PCDHGA6: variants seen among roughly 807,000 people sequenced by gnomAD.
PCDHGA6 encodes the protein protocadherin gamma subfamily A, 6.
In PCDHGA6, 41 loss-of-function variants were observed where a neutral mutation model predicts 60.6. The observed-to-expected ratio is 0.68, with a 90% CI of 0.53 to 0.88. PCDHGA6 has a LOEUF of 0.88. Among genes scored for constraint, PCDHGA6 ranks in the 40% least tolerant of loss-of-function variants. PCDHGA6 has a pLI of 0.00. For missense variants in PCDHGA6, 1,312 were observed against 1,203.0 expected (o/e 1.09, Z -1.34); for synonymous variants, 594 against 524.4 (o/e 1.13, Z -1.81).
rs1477077191 is a variant in PCDHGA6, at chr5:141,427,802, C to T, written c.2424+51295C>T. 7.3e-6 allele frequency: 11 copies of T among 1,510,148 alleles called. No individual in the cohort carries two copies. In the South Asian group the frequency reaches 9.0e-5, roughly 12 times the overall value. The allele number at this position is 1,510,148 out of a possible 1,614,324, so 93.5% of individuals were successfully genotyped here. A position where few individuals can be genotyped will look rare whatever the true frequency, so the allele number is the denominator to read the frequency against. On this transcript the variant is annotated intron_variant, in intron 1 of 3. Transcript: ENST00000517434. ...CACTGTCGTCCTACGTGTCCGTGAG[C>T]GCACAGAGCGGGGTGGTGGTCGCGC... is the stretch of plus-strand genomic sequence containing the variant.
intron 1 of PCDHGA6, among the ~76,000 whole-genome samples, chr5:141,420,877 G>T (rs566962587): frequency 3.9e-5 from 6 of 152,338 alleles, no homozygotes; most frequent in African/African-American, 1.4e-4. Context: ...TGTAAGTATT[G>T]TGTATCATCG....
intron 1 of PCDHGA6, chr5:141,409,633 TG>T: frequency 6.2e-7 from 1 of 1,613,852 alleles, no homozygotes; most frequent in Non-Finnish European, 8.5e-7. Context: ...TGAGCGCCTC[TG>T]ACCCGGATTT....
Position 141,432,036 on chromosome 5 carries a change from AC to A in PCDHGA6, c.2424+55531del, listed in dbSNP as rs1419691535. The A allele has an allele frequency of 6.2e-7, 1 of 1,614,218 alleles. No individual in the cohort carries two copies. The highest frequency in any genetic ancestry group is 1.3e-5 in the African/African-American group (1 of 75,048). On this transcript the variant is annotated intron_variant, in intron 1 of 3. Coordinates refer to ENST00000517434, the MANE Select transcript of PCDHGA6 (RefSeq NM_018919.3). This position sits in a 1 kb window ranked among gnomAD's most constrained non-coding sequence, Gnocchi z 6.0. ...TACAACATCACAGTGACCGCCACTG[AC>A]CGGGGAACCCCGCCCCTATCCACGG...
intron 1 of PCDHGA6, among the ~76,000 whole-genome samples, chr5:141,401,626 C>T (rs1476531463): frequency 6.6e-6 from 1 of 152,174 alleles, no homozygotes; most frequent in Non-Finnish European, 1.5e-5. Flanking sequence ...TTTGTCTTAT[C>T]GTTTGGAGCT....
chr5:141,381,909 A>AACCTCC (rs1182707286), intron 1 of PCDHGA6, among the ~76,000 whole-genome samples: 1 of 130,036 alleles, frequency 7.7e-6, no homozygotes, highest in East Asian at 2.2e-4. Context: ...GGCTCACCAC[A>AACCTCC]ACCTCCACCT....
chr5:141,385,615 T>C, intron 1 of PCDHGA6: 2 of 1,097,512 alleles, frequency 1.8e-6, no homozygotes, highest in East Asian at 4.2e-5. Flanking sequence ...ATATATTTTA[T>C]ACATTGGAAT....
At chr5:141,384,646 G>A (rs1780315410) in intron 1 of PCDHGA6, 2 of 1,614,230 alleles carry the variant, frequency 1.2e-6, no homozygotes, top group Non-Finnish European at 1.7e-6. Flanking sequence ...CCGCTCCGCA[G>A]AGCCCGGCTA....
chr5:141,423,897 T>G, intron 1 of PCDHGA6: 7 of 1,278,866 alleles, frequency 5.5e-6, no homozygotes, highest in Non-Finnish European at 6.9e-6. Flanking sequence ...TTTCTTTTGA[T>G]TTCAAAGGGG....
At chr5:141,415,881 T>C (rs1589997447) in intron 1 of PCDHGA6, 1 of 1,003,346 alleles carries the variant, frequency 1.0e-6, no homozygotes, top group Non-Finnish European at 1.3e-6. Context: ...GAGTACAATA[T>C]TGACAATTCC....
chr5:141,500,433 T>C (rs1398344932), intron 2 of PCDHGA6, among the ~76,000 whole-genome samples: 1 of 151,764 alleles, frequency 6.6e-6, no homozygotes, highest in East Asian at 1.9e-4. Context: ...ATGGTCTCGA[T>C]CTCCTGACCT....
At chr5:141,415,638 T>G in intron 1 of PCDHGA6, 1 of 1,598,954 alleles carries the variant, frequency 6.3e-7, no homozygotes, top group Non-Finnish European at 8.5e-7. Flanking sequence ...TTTTTACTTT[T>G]GTTAAAAAAA....
In PCDHGA6 at chr5:141,432,293, G is replaced by C. The variant is rs765631138; in HGVS notation, c.2424+55786G>C. Reference sequence around the variant, plus strand: ...CTACGTGTCCATCAACTCCGACACTGGGGTACTGTATGCGCTGAGCTCCTT... The same window carrying C: ...CTACGTGTCCATCAACTCCGACACTCGGGTACTGTATGCGCTGAGCTCCTT... On this transcript the variant is annotated intron_variant, in intron 1 of 3. Coordinates refer to ENST00000517434, the MANE Select transcript of PCDHGA6 (RefSeq NM_018919.3). This position sits in a 1 kb window ranked among gnomAD's most constrained non-coding sequence, Gnocchi z 6.0. 6.2e-7 allele frequency: 1 copy of C among 1,614,254 alleles called. No individual in the cohort carries two copies.
intron 1 of PCDHGA6, among the ~76,000 whole-genome samples, chr5:141,447,463 C>T (rs1004772636): frequency 6.6e-6 from 1 of 152,142 alleles, no homozygotes; most frequent in African/African-American, 2.4e-5. Context: ...AGTTTTTCTT[C>T]ACCATCTGTA....
At position 141,432,156 on chromosome 5, in the gene PCDHGA6, C is replaced by A; in HGVS notation, c.2424+55649C>A. On this transcript the variant is annotated intron_variant, in intron 1 of 3. Transcript: ENST00000517434. This position sits in a 1 kb window ranked among gnomAD's most constrained non-coding sequence, Gnocchi z 6.0. Reference sequence around the variant, plus strand: ...TCCGCTTATATCCCAGAGAACAATCCCAGAGGAGTTTCCCTCGTCTCTGTG... The same window carrying A: ...TCCGCTTATATCCCAGAGAACAATCACAGAGGAGTTTCCCTCGTCTCTGTG... The A allele has an allele frequency of 6.2e-7, 1 of 1,614,142 alleles. No homozygotes were observed. Among genetic ancestry groups the A allele is most frequent in the East Asian group, 2.2e-5 (1 of 44,874 alleles).
rs766779419 is a variant in PCDHGA6, at chr5:141,389,386, C to G, written c.2424+12879C>G. On this transcript the variant is annotated intron_variant, in intron 1 of 3. Transcript: ENST00000517434. ...GACCTGGAGCAGCGGGAGCTGTCAT[C>G]CTACGTGTCCATAAGCGCGGAGAGC... The G allele has an allele frequency of 1.1e-5, 17 of 1,613,620 alleles. No homozygotes were observed. The highest frequency in any genetic ancestry group is 6.7e-5 in the African/African-American group (5 of 74,960).
At chr5:141,394,260 G>C in intron 1 of PCDHGA6, 1 of 1,613,920 alleles carries the variant, frequency 6.2e-7, no homozygotes, top group Non-Finnish European at 8.5e-7. Flanking sequence ...CGACAGCCAG[G>C]AGAATGCCCA....
At chr5:141,395,545 TGTGTGTGTGTGTG>T (rs1440813594) in intron 1 of PCDHGA6, 2 of 174,840 alleles carry the variant, frequency 1.1e-5, no homozygotes, top group Admixed American at 1.3e-4. Flanking sequence ...CTATTGTTTG[TGTGTGTGTGTGTG>T]TGTGTGTGTG....
At position 141,486,092 on chromosome 5, in the gene PCDHGA6, C is replaced by T. The variant is rs2099624294; in HGVS notation, c.2425-8715C>T. The T allele has an allele frequency of 3.7e-6, 6 of 1,614,148 alleles. No homozygotes were observed. In the East Asian group the frequency reaches 1.3e-4, roughly 36 times the overall value. On this transcript the variant is annotated intron_variant, in intron 1 of 3. Coordinates refer to ENST00000517434, the MANE Select transcript of PCDHGA6 (RefSeq NM_018919.3). This position sits in a 1 kb window ranked among gnomAD's most constrained non-coding sequence, Gnocchi z 5.0. Reference sequence around the variant, plus strand: ...TACTGGAAAGCTTACTCTTTTGGGGCCCCTAGACTTTGAGAGTGAGAATTA... The same window carrying T: ...TACTGGAAAGCTTACTCTTTTGGGGTCCCTAGACTTTGAGAGTGAGAATTA...
Position 141,375,430 on chromosome 5 carries a change from G to C in PCDHGA6, c.1347G>C (p.Pro449=). 1 of 1,613,848 alleles carries C rather than the reference G, an allele frequency of 6.2e-7. No individual in the cohort carries two copies. Among genetic ancestry groups the C allele is most frequent in the Non-Finnish European group, 8.5e-7 (1 of 1,180,018 alleles). Reference sequence around the variant, plus strand: ...ATGTGGCAGACACCAACGACAACCCGCCCACCTTCCCCCATTCATCCTACT... The same window carrying C: ...ATGTGGCAGACACCAACGACAACCCCCCCACCTTCCCCCATTCATCCTACT... ...SLNVADTNDN[P]PTFPHSSYSV... is the part of the protein sequence containing the mutation. Residue 449 remains proline (P), a synonymous_variant, in exon 1 of 4, where the codon CCG becomes CCC. Coordinates refer to ENST00000517434, the MANE Select transcript of PCDHGA6 (RefSeq NM_018919.3).
Sources: gnomAD v4.1 joint callset for allele counts (sites outside exome capture counted in the v4.1 genomes callset) on GRCh38, gnomAD v4.1.1 for gene constraint, Gnocchi (gnomAD v3.1) non-coding constraint, MANE v1.5 for transcripts, NCBI Gene and HGNC (gene_info 2026-07-23, HGNC 2026-07-21) for gene names.